Variants in NLGN1 observed in about 807,000 individuals in gnomAD.
The protein encoded by NLGN1 is neuroligin 1.
Under a neutral mutation model 65.5 loss-of-function variants are expected in NLGN1, and 12 were observed. The observed-to-expected ratio is 0.18, with a 90% CI of 0.12 to 0.30. The LOEUF is 0.30. NLGN1 is among the 10% of genes least tolerant of loss of function. NLGN1 has a pLI of 1.00. For missense variants in NLGN1, 750 were observed against 1,007.1 expected (o/e 0.74, Z 3.46); for synonymous variants, 350 against 359.5 (o/e 0.97, Z 0.30).
intron 3 of NLGN1, among the ~76,000 whole-genome samples, chr3:173,699,753 G>A (rs1766826771): frequency 6.6e-6 from 1 of 152,166 alleles, no homozygotes; most frequent in Admixed American, 6.5e-5. Context: ...GATGTAGAAA[G>A]GTATAGGAGA....
intron 3 of NLGN1, among the ~76,000 whole-genome samples, chr3:173,794,876 T>C (rs960545522): frequency 6.6e-6 from 1 of 152,178 alleles, no homozygotes; most frequent in Non-Finnish European, 1.5e-5. Flanking sequence ...TGAAAAACTA[T>C]TTTTTAAATA....
chr3:173,640,872 G>A (rs1757312136), intron 3 of NLGN1, among the ~76,000 whole-genome samples: 2 of 152,098 alleles, frequency 1.3e-5, no homozygotes, highest in African/African-American at 4.8e-5. Flanking sequence ...ATATTACTTA[G>A]GGGTTGTTGC....
chr3:173,592,653 T>C (rs1395047421), intron 2 of NLGN1, among the ~76,000 whole-genome samples: 4 of 152,168 alleles, frequency 2.6e-5, no homozygotes, highest in Admixed American at 6.5e-5. Flanking sequence ...GTTGTGTTAA[T>C]TGATGAAAAA....
chr3:173,496,841 A>C (rs1730107552), intron 2 of NLGN1, among the ~76,000 whole-genome samples: 1 of 151,880 alleles, frequency 6.6e-6, no homozygotes, highest in Non-Finnish European at 1.5e-5. Context: ...AATATTTACT[A>C]AATTCCTTTT....
At chr3:173,893,237 TG>T (rs1424422680) in intron 4 of NLGN1, among the ~76,000 whole-genome samples, 5 of 152,270 alleles carry the variant, frequency 3.3e-5, no homozygotes, top group African/African-American at 1.2e-4. Context: ...GCCAGAAACC[TG>T]GATGTCAGCC....
At chr3:173,906,573 A>G (rs536109332) in intron 4 of NLGN1, among the ~76,000 whole-genome samples, 2 of 152,224 alleles carry the variant, frequency 1.3e-5, no homozygotes, top group East Asian at 1.9e-4. Context: ...AATTATTACT[A>G]TATTTTTCGC....
chr3:173,424,138 C>CAGCTGG (rs1715657452), intron 1 of NLGN1, among the ~76,000 whole-genome samples: 1 of 152,190 alleles, frequency 6.6e-6, no homozygotes, highest in Non-Finnish European at 1.5e-5. Flanking sequence ...CTTTTAGCCA[C>CAGCTGG]AGCTGGAGCT....
intron 4 of NLGN1, among the ~76,000 whole-genome samples, chr3:174,213,516 G>A (rs990883937): frequency 6.6e-6 from 1 of 152,058 alleles, no homozygotes; most frequent in Non-Finnish European, 1.5e-5. Context: ...ACAATAAGAA[G>A]CAAAACTGTT....
intron 4 of NLGN1, among the ~76,000 whole-genome samples, chr3:174,076,716 AGAGAGAGAGTGTGTGTGTGTGTGTGT>A (rs1741037562): frequency 7.7e-6 from 1 of 130,318 alleles, no homozygotes; most frequent in Non-Finnish European, 1.6e-5. Context: ...AGAGAGAGAG[AGAGAGAGAGTGTGTGTGTGTGTGTGT>A]GTGTGTGTGT....
intron 4 of NLGN1, among the ~76,000 whole-genome samples, chr3:173,827,751 G>A (rs1312549243): frequency 6.6e-6 from 1 of 151,844 alleles, no homozygotes; most frequent in East Asian, 2.0e-4. Context: ...CTGCAAGCTG[G>A]AGAACCAGAC....
intron 4 of NLGN1, among the ~76,000 whole-genome samples, chr3:174,152,743 T>C (rs927701802): frequency 6.6e-6 from 1 of 152,098 alleles, no homozygotes; most frequent in African/African-American, 2.4e-5. Flanking sequence ...ATAGTATTCA[T>C]TGAGCATCAA....
intron 4 of NLGN1, among the ~76,000 whole-genome samples, chr3:174,213,549 A>G (rs1030960933): frequency 2.0e-5 from 3 of 152,218 alleles, no homozygotes; most frequent in Admixed American, 6.5e-5. Flanking sequence ...TGATAATAAA[A>G]CAATAACCTT....
intron 4 of NLGN1, among the ~76,000 whole-genome samples, chr3:174,246,141 G>A (rs1743740018): frequency 6.6e-6 from 1 of 152,268 alleles, no homozygotes; most frequent in South Asian, 2.1e-4. Context: ...GTTTCCAGAC[G>A]TCACTGGATA....
At chr3:173,712,218 A>G (rs1769105031) in intron 3 of NLGN1, among the ~76,000 whole-genome samples, 1 of 152,106 alleles carries the variant, frequency 6.6e-6, no homozygotes, top group Admixed American at 6.6e-5. Flanking sequence ...TGTAATTATT[A>G]CACTAACTCA....
intron 2 of NLGN1, among the ~76,000 whole-genome samples, chr3:173,522,635 A>C (rs966221016): frequency 6.6e-6 from 1 of 151,946 alleles, no homozygotes; most frequent in Non-Finnish European, 1.5e-5. Flanking sequence ...GGGTTTCACC[A>C]TGTTAGCCAG....
intron 2 of NLGN1, among the ~76,000 whole-genome samples, chr3:173,507,868 G>T (rs142112372): frequency 6.6e-6 from 1 of 152,220 alleles, no homozygotes; most frequent in East Asian, 1.9e-4. Context: ...TTAACTTCTG[G>T]CTCCTTTGTT....
At chr3:174,033,550 C>A (rs1730493311) in intron 4 of NLGN1, among the ~76,000 whole-genome samples, 1 of 151,796 alleles carries the variant, frequency 6.6e-6, no homozygotes, top group Admixed American at 6.6e-5. Flanking sequence ...GTGTTCGTTG[C>A]TCTAATGGAA....
intron 4 of NLGN1, among the ~76,000 whole-genome samples, chr3:173,874,466 T>G (rs1317185687): frequency 6.6e-6 from 1 of 152,234 alleles, no homozygotes; most frequent in East Asian, 1.9e-4. Flanking sequence ...TATTAGCCAG[T>G]GAATAATAAC....
chr3:173,757,411 T>C (rs76120171), intron 3 of NLGN1, among the ~76,000 whole-genome samples: 3,303 of 152,124 alleles, frequency 0.022, 102 homozygotes, highest in African/African-American at 0.067. Context: ...TAGAGCTAAT[T>C]GATAGTTTAC....
Sources: allele counts gnomAD v4.1 joint callset (sites outside exome capture counted in the v4.1 genomes callset), GRCh38; gene constraint gnomAD v4.1.1; transcripts MANE v1.5; gene names NCBI Gene and HGNC (gene_info 2026-07-23, HGNC 2026-07-21).